Variants in SLC30A7 observed in about 807,000 individuals in gnomAD.
The protein encoded by SLC30A7 is solute carrier family 30 member 7.
In SLC30A7, 35 loss-of-function variants were observed where a neutral mutation model predicts 46.0. That is an observed-to-expected ratio of 0.76 (90% CI 0.58 to 1.01). The LOEUF is 1.01. SLC30A7 is among the 50% of genes least tolerant of loss of function. The pLI is 0.00. For missense variants in SLC30A7, 464 were observed against 451.1 expected (o/e 1.03, Z -0.26); for synonymous variants, 147 against 157.8 (o/e 0.93, Z 0.51).
intron 7 of SLC30A7, among the ~76,000 whole-genome samples, chr1:100,919,263 A>G (rs994041023): frequency 2.0e-5 from 3 of 152,042 alleles, no homozygotes; most frequent in African/African-American, 7.2e-5. Context: ...TAGGTTATTA[A>G]TCAATCTCTG....
At chr1:100,897,725 C>G (rs1301798429) in intron 2 of SLC30A7, among the ~76,000 whole-genome samples, 1 of 152,112 alleles carries the variant, frequency 6.6e-6, no homozygotes. Flanking sequence ...ATTCAACCGT[C>G]AATTCAGTTC....
chr1:100,900,380 T>C lies in SLC30A7; in HGVS notation c.182+3709T>C, dbSNP rs115100004. The stretch of plus-strand genomic sequence containing the variant: ...ACAATACCAGACATTTATTTGGTTC[T>C]ACTTCAGTGTGATATTTCACAGCAG... On this transcript the variant is annotated intron_variant, in intron 2 of 10. Coordinates refer to ENST00000357650, the MANE Select transcript of SLC30A7 (RefSeq NM_133496.5). Among the ~76,000 whole-genome samples the C allele has an allele frequency of 6.9e-3, 1,058 of 152,358 alleles. 19 individuals are homozygous for C. Among genetic ancestry groups the C allele is most frequent in the African/African-American group, 0.024 (1,013 of 41,580 alleles).
In SLC30A7 at chr1:100,981,244, A is replaced by G. The variant is rs1656915670; in HGVS notation, c.*6387A>G. 6.6e-6 allele frequency: 1 copy of G among 152,180 alleles called. No homozygotes were observed. The highest frequency in any genetic ancestry group is 1.5e-5 in the Non-Finnish European group (1 of 68,000). 9.4% of individuals were successfully genotyped at this position (152,180 alleles called of 1,614,324 possible). A position where few individuals can be genotyped will look rare whatever the true frequency, so the allele number is the denominator to read the frequency against. On this transcript the variant is annotated 3_prime_UTR_variant, in exon 11 of 11. Transcript: ENST00000357650. ...TAGACATCCTGTCAATAGTTTGTCA[A>G]GTAACTTCATTGCTTCCTTTGATAG...
At chr1:100,912,382 C>T (rs780608810) in intron 5 of SLC30A7, 144 bp downstream of exon 5, 1 of 909,522 alleles carries the variant, frequency 1.1e-6, no homozygotes, top group African/African-American at 1.7e-5. Context: ...CCTTTCACTT[C>T]TTTATGCCCC....
intron 8 of SLC30A7, among the ~76,000 whole-genome samples, chr1:100,949,851 T>C (rs2101068899): frequency 6.6e-6 from 1 of 152,336 alleles, no homozygotes; most frequent in Admixed American, 6.5e-5. Flanking sequence ...GGTCTGCCGG[T>C]TGCTCAGACC....
intron 4 of SLC30A7, 137 bp from the exon 5 acceptor site, chr1:100,911,975 C>A: frequency 2.9e-6 from 2 of 687,554 alleles, no homozygotes; most frequent in South Asian, 2.2e-5. Context: ...TTATTTCTAT[C>A]AACTGTTTTG....
At chr1:100,973,548 A>G (rs922025027) in intron 10 of SLC30A7, among the ~76,000 whole-genome samples, 2 of 152,180 alleles carry the variant, frequency 1.3e-5, no homozygotes, top group African/African-American at 4.8e-5. Context: ...TCTCGGAGAC[A>G]TTATATTATA....
intron 8 of SLC30A7, among the ~76,000 whole-genome samples, chr1:100,950,149 G>C (rs989965342): frequency 1.3e-5 from 2 of 152,164 alleles, no homozygotes; most frequent in African/African-American, 2.4e-5. Context: ...CTCTTAATCT[G>C]TATGTTAATT....
At chr1:100,946,414 G>A (rs1331474203) in intron 8 of SLC30A7, among the ~76,000 whole-genome samples, 1 of 152,146 alleles carries the variant, frequency 6.6e-6, no homozygotes, top group Non-Finnish European at 1.5e-5. Flanking sequence ...TATGATATTG[G>A]CTGTGGGTTT....
intron 8 of SLC30A7, among the ~76,000 whole-genome samples, chr1:100,947,701 A>G (rs1654723783): frequency 6.6e-6 from 1 of 152,152 alleles, no homozygotes; most frequent in African/African-American, 2.4e-5. Flanking sequence ...GTAGGTCTCT[A>G]AGGACTTGCT....
At chr1:100,987,145 AC>A in the SLC30A7 span, among the ~76,000 whole-genome samples, 1 of 151,962 alleles carries the variant, frequency 6.6e-6, no homozygotes, top group Non-Finnish European at 1.5e-5. Flanking sequence ...CCCTACTACC[AC>A]CCTTGGTAGC....
chr1:100,918,207 C>T (rs1652711062), intron 7 of SLC30A7, 80 bp downstream of exon 7: 2 of 1,213,342 alleles, frequency 1.6e-6, no homozygotes, highest in East Asian at 2.3e-5. Flanking sequence ...CTGAAGTTTT[C>T]CTTTAAGAAA....
chr1:100,928,782 TAGC>T (rs1653480340), intron 8 of SLC30A7, among the ~76,000 whole-genome samples: 4 of 152,170 alleles, frequency 2.6e-5, no homozygotes, highest in African/African-American at 7.2e-5. Context: ...TAACCACTGT[TAGC>T]AGTATTTCTT....
At chr1:100,907,509 G>A (rs1214648023) in intron 3 of SLC30A7, among the ~76,000 whole-genome samples, 1 of 152,112 alleles carries the variant, frequency 6.6e-6, no homozygotes, top group Non-Finnish European at 1.5e-5. Context: ...GGAGGAAGCA[G>A]TGGATTTTTC....
At chr1:100,909,919 G>A (rs1557977203) in intron 3 of SLC30A7, among the ~76,000 whole-genome samples, 1 of 151,924 alleles carries the variant, frequency 6.6e-6, no homozygotes. Flanking sequence ...CTAAGTGTAG[G>A]CTGTGGAATG....
At chr1:100,903,905 G>T (rs772674954) in intron 2 of SLC30A7, among the ~76,000 whole-genome samples, 6 of 152,058 alleles carry the variant, frequency 3.9e-5, no homozygotes, top group African/African-American at 1.4e-4. Context: ...ATATTAAGAG[G>T]TATGGGTTGT....
In SLC30A7 at chr1:100,979,342, G is replaced by C. The variant is rs1343620166; in HGVS notation, c.*4485G>C. On this transcript the variant is annotated 3_prime_UTR_variant, in exon 11 of 11. Coordinates refer to ENST00000357650, the MANE Select transcript of SLC30A7 (RefSeq NM_133496.5). The stretch of plus-strand genomic sequence containing the variant: ...TTTTTCTTTGGACATTCATTGGAAG[G>C]CTTGTTGAAGACATGATCCCCCAGA... The C allele has an allele frequency of 6.7e-6, 1 of 149,328 alleles. No individual in the cohort carries two copies. The highest frequency in any genetic ancestry group is 1.5e-5 in the Non-Finnish European group (1 of 67,554). 9.3% of individuals were successfully genotyped at this position (149,328 alleles called of 1,614,324 possible).
At chr1:100,903,142 T>A (rs1272776542) in intron 2 of SLC30A7, among the ~76,000 whole-genome samples, 1 of 152,130 alleles carries the variant, frequency 6.6e-6, no homozygotes, top group Non-Finnish European at 1.5e-5. Flanking sequence ...TATAGTCTAA[T>A]TTAGCTCCCA....
intron 8 of SLC30A7, among the ~76,000 whole-genome samples, chr1:100,924,356 T>G (rs1163105055): frequency 6.6e-6 from 1 of 152,156 alleles, no homozygotes; most frequent in Non-Finnish European, 1.5e-5. Flanking sequence ...TTTGCTCATA[T>G]TTCCTCTATT....
Sources: gnomAD v4.1 joint callset for allele counts (sites outside exome capture counted in the v4.1 genomes callset) on GRCh38, gnomAD v4.1.1 for gene constraint, MANE v1.5 for transcripts, NCBI Gene and HGNC (gene_info 2026-07-23, HGNC 2026-07-21) for gene names.